Variants in SLC10A7 observed in about 807,000 individuals in gnomAD.
The protein encoded by SLC10A7 is solute carrier family 10 member 7, also known as sodium/bile acid cotransporter 7.
Under a neutral mutation model 43.2 loss-of-function variants are expected in SLC10A7, and 29 were observed. That is an observed-to-expected ratio of 0.67 (90% CI 0.50 to 0.92). SLC10A7 has a LOEUF of 0.92. Among genes scored for constraint, SLC10A7 ranks in the 40% least tolerant of loss-of-function variants. SLC10A7 has a pLI of 0.00. For missense variants in SLC10A7, 295 were observed against 403.2 expected (o/e 0.73, Z 2.30); for synonymous variants, 152 against 144.8 (o/e 1.05, Z -0.35).
intron 4 of SLC10A7, among the ~76,000 whole-genome samples, chr4:146,492,494 A>G (rs1297760984): frequency 1.3e-5 from 2 of 152,052 alleles, no homozygotes; most frequent in Non-Finnish European, 2.9e-5. Flanking sequence ...CAAGCTCCCA[A>G]GGAGCTGGGA....
At chr4:146,426,474 T>A (rs1729362269) in intron 5 of SLC10A7, among the ~76,000 whole-genome samples, 2 of 152,066 alleles carry the variant, frequency 1.3e-5, no homozygotes, top group African/African-American at 4.8e-5. Context: ...AGCTTAGGAA[T>A]TCAAGACCCG....
At chr4:146,445,218 T>C (rs929910665) in intron 4 of SLC10A7, among the ~76,000 whole-genome samples, 3 of 152,190 alleles carry the variant, frequency 2.0e-5, no homozygotes, top group Admixed American at 2.0e-4. Context: ...TTGGTAATTC[T>C]ATTTAATTTT....
At chr4:146,331,498 C>T (rs1479756070) in intron 5 of SLC10A7, among the ~76,000 whole-genome samples, 1 of 152,104 alleles carries the variant, frequency 6.6e-6, no homozygotes, top group Non-Finnish European at 1.5e-5. Flanking sequence ...ATTTAGCATA[C>T]TTATTTCAGT....
intron 5 of SLC10A7, among the ~76,000 whole-genome samples, chr4:146,408,855 A>T (rs1727928552): frequency 6.6e-6 from 1 of 152,142 alleles, no homozygotes; most frequent in Admixed American, 6.5e-5. Context: ...GGGTGACATC[A>T]GCTTTAATGT....
intron 4 of SLC10A7, among the ~76,000 whole-genome samples, chr4:146,478,875 T>C (rs1226994027): frequency 6.6e-6 from 1 of 152,102 alleles, no homozygotes; most frequent in Non-Finnish European, 1.5e-5. Context: ...AAGTGTTATA[T>C]TCATAGTCAC....
intron 5 of SLC10A7, among the ~76,000 whole-genome samples, chr4:146,410,546 T>A (rs1728115015): frequency 6.6e-6 from 1 of 152,174 alleles, no homozygotes; most frequent in East Asian, 1.9e-4. Flanking sequence ...ATAGGTATTA[T>A]TATTATCCTC....
Position 146,509,934 on chromosome 4 carries a change from A to T in SLC10A7, c.299T>A (p.Ile100Asn). The change falls in exon 3 of 12, where the codon ATC (isoleucine) becomes AAC (asparagine). Residue 100 changes from isoleucine to asparagine, a missense_variant. Physicochemically the swap from Ile to Asn is moderately radical, Grantham distance 149. This residue lies in a region of SLC10A7 where 242 missense variants were observed against 362.5 expected (regional missense o/e 0.67). Transcript: ENST00000335472. ...LFLQLLSITP[I>N]NEWLLKGLQT... The stretch of plus-strand genomic sequence containing the variant: ...ATACCCTTTTAAAAGCCATTCGTTG[A>T]TGGGTGTGATTGATAAAAGCTGAAG... 2 of 1,613,390 alleles carry T rather than the reference A, an allele frequency of 1.2e-6. No homozygotes were observed. The highest frequency in any genetic ancestry group is 1.7e-6 in the Non-Finnish European group (2 of 1,179,796).
intron 4 of SLC10A7, among the ~76,000 whole-genome samples, chr4:146,483,263 G>GA (rs1734639445): frequency 6.6e-6 from 1 of 152,050 alleles, no homozygotes; most frequent in Non-Finnish European, 1.5e-5. Flanking sequence ...TCAAAACAGT[G>GA]AAAATTAAAG....
intron 4 of SLC10A7, among the ~76,000 whole-genome samples, chr4:146,444,654 T>C (rs1205445401): frequency 6.6e-6 from 1 of 152,220 alleles, no homozygotes; most frequent in East Asian, 1.9e-4. Flanking sequence ...TCTTATAAAA[T>C]GACAGTGACG....
At chr4:146,291,093 A>T (rs1730415325) in intron 9 of SLC10A7, among the ~76,000 whole-genome samples, 1 of 152,044 alleles carries the variant, frequency 6.6e-6, no homozygotes, top group Admixed American at 6.5e-5. Flanking sequence ...TTTCAAGAAA[A>T]TTTTTAGTCA....
chr4:146,363,981 G>C (rs1560837248), intron 5 of SLC10A7, among the ~76,000 whole-genome samples: 4 of 151,784 alleles, frequency 2.6e-5, no homozygotes. Context: ...AAAATTAATA[G>C]AGGAAAAGAA....
chr4:146,338,613 A>G (rs1429119184), intron 5 of SLC10A7, among the ~76,000 whole-genome samples: 1 of 151,980 alleles, frequency 6.6e-6, no homozygotes, highest in Non-Finnish European at 1.5e-5. Flanking sequence ...GTTGATGCCC[A>G]AGGAGGCAAT....
chr4:146,332,436 C>T (rs753483584), intron 5 of SLC10A7, among the ~76,000 whole-genome samples: 1 of 152,160 alleles, frequency 6.6e-6, no homozygotes, highest in Non-Finnish European at 1.5e-5. Flanking sequence ...GGGGTGGATC[C>T]TTCATGAATT....
intron 4 of SLC10A7, among the ~76,000 whole-genome samples, chr4:146,473,310 T>C (rs1442024958): frequency 2.0e-5 from 3 of 152,234 alleles, no homozygotes; most frequent in Admixed American, 2.0e-4. Flanking sequence ...GCTGACCCAC[T>C]GACATGCTTT....
At chr4:146,511,338 T>TATA (rs1737444116) in intron 2 of SLC10A7, among the ~76,000 whole-genome samples, 1 of 152,210 alleles carries the variant, frequency 6.6e-6, no homozygotes, top group Non-Finnish European at 1.5e-5. Flanking sequence ...AACTGGAAAG[T>TATA]GCTAGAAAAA....
At chr4:146,519,099 ATATATATATAT>A (rs1738328769) in intron 1 of SLC10A7, among the ~76,000 whole-genome samples, 6 of 68,528 alleles carry the variant, frequency 8.8e-5, no homozygotes, top group African/African-American at 3.3e-4. Flanking sequence ...ATATATATAT[ATATATATATAT>A]ATAATATAAT....
At chr4:146,424,661 G>GA (rs1729200882) in intron 5 of SLC10A7, among the ~76,000 whole-genome samples, 1 of 144,432 alleles carries the variant, frequency 6.9e-6, no homozygotes, top group Non-Finnish European at 1.5e-5. Context: ...CTCCATCTCA[G>GA]AAAAAAACAA....
intron 4 of SLC10A7, among the ~76,000 whole-genome samples, chr4:146,470,016 G>A (rs564120445): frequency 1.6e-4 from 25 of 152,168 alleles, no homozygotes; most frequent in African/African-American, 5.1e-4. Flanking sequence ...ACTCCATGAC[G>A]GGCTACGTTT....
At chr4:146,301,198 C>A (rs1401861545) in intron 7 of SLC10A7, among the ~76,000 whole-genome samples, 5 of 152,118 alleles carry the variant, frequency 3.3e-5, no homozygotes, top group Non-Finnish European at 7.4e-5. Context: ...GGAATTTAAT[C>A]GAGGCCAGTC....
Sources: allele counts gnomAD v4.1 joint callset (sites outside exome capture counted in the v4.1 genomes callset), GRCh38; gene constraint gnomAD v4.1.1; regional missense constraint gnomAD v4.1.1; transcripts MANE v1.5; gene names NCBI Gene and HGNC (gene_info 2026-07-23, HGNC 2026-07-21).